The following CLINT1 variants were observed in gnomAD, a reference collection of about 807,000 sequenced individuals.
CLINT1 encodes clathrin interactor 1.
CLINT1 carries 15 observed loss-of-function variants against 70.4 expected under a neutral mutation model. The observed-to-expected ratio is 0.21, with a 90% CI of 0.14 to 0.33. The LOEUF is 0.33. Ranked by LOEUF, CLINT1 falls within the 10% of genes least tolerant of loss-of-function variation. The pLI is 1.00. For synonymous variants in CLINT1, 227 were observed against 254.7 expected, an observed-to-expected ratio of 0.89 and a Z score of 1.04; for missense variants, 615 against 778.1, an observed-to-expected ratio of 0.79 and a Z score of 2.49.
intron 6 of CLINT1, among the ~76,000 whole-genome samples, chr5:157,807,114 A>AACTATGGCT (rs112816092): frequency 6.6e-6 from 1 of 151,162 alleles, no homozygotes; most frequent in East Asian, 2.0e-4. Flanking sequence ...TTCTCCTTTA[A>AACTATGGCT]ACTGCTGATG....
chr5:157,804,530 AC>A (rs1338473830), intron 7 of CLINT1, among the ~76,000 whole-genome samples: 1 of 152,196 alleles, frequency 6.6e-6, no homozygotes, highest in Non-Finnish European at 1.5e-5. Flanking sequence ...ATTCCAAAAC[AC>A]CTTTAAGAAC....
intron 1 of CLINT1, among the ~76,000 whole-genome samples, chr5:157,828,605 T>G (rs1431884271): frequency 1.3e-5 from 2 of 152,086 alleles, no homozygotes; most frequent in Non-Finnish European, 2.9e-5. Flanking sequence ...GTTTAAAAAT[T>G]TAAAAATATT....
intron 1 of CLINT1, among the ~76,000 whole-genome samples, chr5:157,845,475 C>T (rs1307330390): frequency 6.6e-6 from 1 of 151,862 alleles, no homozygotes; most frequent in Non-Finnish European, 1.5e-5. Flanking sequence ...ATGGACACAC[C>T]TAATTTTACT....
chr5:157,823,790 G>C, intron 1 of CLINT1: 1 of 704,770 alleles, frequency 1.4e-6, no homozygotes, highest in Non-Finnish European at 1.7e-6. Context: ...CGGAGTTGCG[G>C]ACCGGCCTGT....
At chr5:157,853,123 A>G (rs1186997) in intron 1 of CLINT1, among the ~76,000 whole-genome samples, 127,033 of 152,134 alleles carry the variant, frequency 0.84, 54,050 homozygotes, top group African/African-American at 0.96. Flanking sequence ...TAAGGCAGGC[A>G]GATCACATGA....
intron 1 of CLINT1, among the ~76,000 whole-genome samples, chr5:157,856,842 AT>A (rs1753775106): frequency 6.6e-6 from 1 of 152,188 alleles, no homozygotes; most frequent in African/African-American, 2.4e-5. Context: ...GATAGATAAT[AT>A]TTTTCAACAA....
chr5:157,830,316 A>T (rs2113261190), intron 1 of CLINT1, among the ~76,000 whole-genome samples: 1 of 152,172 alleles, frequency 6.6e-6, no homozygotes, highest in South Asian at 2.1e-4. Flanking sequence ...TGTTTTTGGT[A>T]TCTGTTATTT....
chr5:157,801,520 GAGAA>G (rs1457850489), intron 8 of CLINT1, among the ~76,000 whole-genome samples: 1 of 150,280 alleles, frequency 6.7e-6, no homozygotes, highest in African/African-American at 2.5e-5. Context: ...AAAAAAAATA[GAGAA>G]AGAAAGTAGG....
At chr5:157,845,572 G>A (rs1753342941) in intron 1 of CLINT1, among the ~76,000 whole-genome samples, 1 of 139,568 alleles carries the variant, frequency 7.2e-6, no homozygotes, top group Non-Finnish European at 1.5e-5. Context: ...TTTTTTTTGA[G>A]ACGGAGTCTT....
At chr5:157,803,814 C>T in intron 7 of CLINT1, 95 bp from the exon 8 acceptor site, 1 of 775,676 alleles carries the variant, frequency 1.3e-6, no homozygotes, top group Non-Finnish European at 1.9e-6. Context: ...ACATAAATAC[C>T]TGTAATTAGC....
At chr5:157,818,021 T>C (rs1417917924) in intron 1 of CLINT1, among the ~76,000 whole-genome samples, 2 of 152,190 alleles carry the variant, frequency 1.3e-5, no homozygotes, top group African/African-American at 2.4e-5. Flanking sequence ...AAATCAAAGA[T>C]ATCTACAGAT....
intron 1 of CLINT1, among the ~76,000 whole-genome samples, chr5:157,858,608 G>A (rs1391577947): frequency 2.0e-5 from 3 of 152,226 alleles, no homozygotes; most frequent in African/African-American, 7.2e-5. Context: ...TCCGGCCAGG[G>A]CAGTGACCCA....
chr5:157,841,591 T>G (rs989312842), intron 1 of CLINT1, among the ~76,000 whole-genome samples: 1 of 151,874 alleles, frequency 6.6e-6, no homozygotes. Flanking sequence ...AGAAAAGGAT[T>G]GGTTGGTATT....
intron 1 of CLINT1, among the ~76,000 whole-genome samples, chr5:157,829,206 T>G (rs1763140123): frequency 1.3e-5 from 2 of 152,158 alleles, no homozygotes; most frequent in Non-Finnish European, 2.9e-5. Flanking sequence ...TCTCTGCCCC[T>G]AGGCTAGCTG....
Position 157,791,947 on chromosome 5 carries a change from T to C in CLINT1, c.1136A>G (p.Asn379Ser), listed in dbSNP as rs1244831995. 8.1e-6 allele frequency: 13 copies of C among 1,613,972 alleles called. No homozygotes were observed. The highest frequency in any genetic ancestry group is 1.1e-5 in the Non-Finnish European group (13 of 1,179,864). The change falls in exon 10 of 12, where the codon AAC becomes AGC. Residue 379 changes from asparagine to serine, a missense_variant. Physicochemically the swap from Asn to Ser is conservative, Grantham distance 46. Around this residue, in one of 2 missense-constraint regions of CLINT1, gnomAD observed 374 missense variants for 409.6 expected, o/e 0.91. Coordinates refer to ENST00000411809, the MANE Select transcript of CLINT1 (RefSeq NM_014666.4). ...AGCAACAGGGCCTGATGGGGCTTGG[T>C]TGAAGGCACTCCAGTCACCAAAGTC... ...NGDFGDWSAF[N>S]QAPSGPVASS... is the part of the protein sequence containing the mutation.
chr5:157,851,506 C>T (rs992400806), intron 1 of CLINT1, among the ~76,000 whole-genome samples: 1 of 151,682 alleles, frequency 6.6e-6, no homozygotes, highest in African/African-American at 2.4e-5. Flanking sequence ...CTGGGAAATG[C>T]GGCAAAACTC....
intron 8 of CLINT1, among the ~76,000 whole-genome samples, chr5:157,803,438 A>T (rs1052672548): frequency 6.6e-6 from 1 of 152,186 alleles, no homozygotes; most frequent in African/African-American, 2.4e-5. Context: ...TGGGTCAGAA[A>T]AAGGTATAAA....
chr5:157,802,542 C>CTTT (rs199598702), intron 8 of CLINT1, among the ~76,000 whole-genome samples: 1 of 137,304 alleles, frequency 7.3e-6, no homozygotes, highest in Non-Finnish European at 1.6e-5. Context: ...GTAGCCCTCT[C>CTTT]TTTTTTTTTT....
chr5:157,828,438 TAGA>T (rs960393362), intron 1 of CLINT1, among the ~76,000 whole-genome samples: 15 of 152,042 alleles, frequency 9.9e-5, no homozygotes, highest in South Asian at 2.1e-4. Flanking sequence ...TCCATGGCCA[TAGA>T]AGAAGAAGCC....
Sources: gnomAD v4.1 joint callset for allele counts (sites outside exome capture counted in the v4.1 genomes callset) on GRCh38, gnomAD v4.1.1 for gene constraint, gnomAD v4.1.1 regional missense constraint, MANE v1.5 for transcripts, NCBI Gene and HGNC (gene_info 2026-07-23, HGNC 2026-07-21) for gene names.